The following COPG2 variants were observed in gnomAD, a reference collection of about 807,000 sequenced individuals.
COPG2 encodes the protein coatomer subunit gamma-2.
In COPG2, 37 loss-of-function variants were observed where a neutral mutation model predicts 46.3. The ratio of observed to expected loss-of-function variants is 0.80; its 90% CI spans 0.61 to 1.05. The LOEUF is 1.05. COPG2 is among the 50% of genes least tolerant of loss of function. The pLI is 0.00. For synonymous variants in COPG2, 159 were observed against 129.7 expected, an observed-to-expected ratio of 1.23 and a Z score of -1.53; for missense variants, 427 against 387.8, an observed-to-expected ratio of 1.10 and a Z score of -0.85.
chr7:130,577,845 C>T (rs1794040099), intron 9 of COPG2, among the ~76,000 whole-genome samples: 1 of 151,964 alleles, frequency 6.6e-6, no homozygotes, highest in African/African-American at 2.4e-5. Flanking sequence ...TCGGAGGGTC[C>T]TACGCCCACG....
intron 4 of COPG2, among the ~76,000 whole-genome samples, chr7:130,659,354 C>CAAAAA (rs59413856): frequency 6.1e-5 from 4 of 65,466 alleles, no homozygotes; most frequent in African/African-American, 1.2e-4. Flanking sequence ...GACTCCGTCT[C>CAAAAA]AAAAAAAAAA....
intron 20 of COPG2, among the ~76,000 whole-genome samples, chr7:130,534,550 G>A (rs1377566965): frequency 6.6e-6 from 1 of 152,172 alleles, no homozygotes; most frequent in Non-Finnish European, 1.5e-5. Context: ...CATAGGATTA[G>A]TGGGAAAAGT....
At position 130,588,173 on chromosome 7, in the gene COPG2, T is replaced by C. The variant is rs1209401618; in HGVS notation, c.737+22780A>G. On this transcript the variant is annotated intron_variant, in intron 9 of 23. Transcript: ENST00000425248. ...AGGTGCTGGAGAGGATGTGGAGAAA[T>C]AGGAACACTTTTACACTGTTGGTGG... Among the ~76,000 whole-genome samples, 6 of 151,428 alleles carry C rather than the reference T, an allele frequency of 4.0e-5. No individual in the cohort carries two copies. The East Asian group carries it at 5.8e-4, about 15-fold the overall frequency.
At position 130,583,885 on chromosome 7, in the gene COPG2, AAAG is replaced by A. The variant is rs1441238441; in HGVS notation, c.738-19495_738-19493del. 1.1e-4 allele frequency among the ~76,000 whole-genome samples: 17 copies of A among 151,170 alleles called. 1 individual carries two copies. The highest frequency in any genetic ancestry group is 1.3e-4 in the Non-Finnish European group (9 of 67,808). Reference sequence around the variant, plus strand: ...ATTCACAGAATTCTACCAGACATTCAAAGAAGAATTGGTACCAATCCTTTTGAA... The same window carrying A: ...ATTCACAGAATTCTACCAGACATTCAAAGAATTGGTACCAATCCTTTTGAA... On this transcript the variant is annotated intron_variant, in intron 9 of 23. Coordinates refer to ENST00000425248, the MANE Select transcript of COPG2 (RefSeq NM_012133.6).
intron 9 of COPG2, among the ~76,000 whole-genome samples, chr7:130,565,276 T>C (rs1296490669): frequency 1.3e-5 from 2 of 152,128 alleles, no homozygotes; most frequent in Admixed American, 6.5e-5. Context: ...CGTTGGAAAA[T>C]GATGGGAGAC....
intron 4 of COPG2, among the ~76,000 whole-genome samples, chr7:130,657,945 C>T (rs1028545967): frequency 5.3e-5 from 8 of 151,994 alleles, no homozygotes; most frequent in Non-Finnish European, 1.0e-4. Context: ...ACAGTGATGG[C>T]GGGAATGATT....
At chr7:130,523,130 A>AAAAAAAAAAT (rs1799739327) in intron 20 of COPG2, among the ~76,000 whole-genome samples, 1 of 148,790 alleles carries the variant, frequency 6.7e-6, no homozygotes, top group Non-Finnish European at 1.5e-5. Flanking sequence ...AAAAAAAAAA[A>AAAAAAAAAAT]AAAAGAAGGC....
chr7:130,657,283 T>C (rs1795876573), intron 4 of COPG2, among the ~76,000 whole-genome samples: 2 of 151,902 alleles, frequency 1.3e-5, no homozygotes. Context: ...CAGAACCATG[T>C]GTTGAGAAAA....
rs190137517 is a variant in COPG2, at chr7:130,620,363, G to T, written c.324-3298C>A. 4.7e-3 allele frequency among the ~76,000 whole-genome samples: 719 copies of T among 152,156 alleles called. 4 individuals are homozygous for T. The highest frequency in any genetic ancestry group is 6.6e-3 in the Non-Finnish European group (448 of 68,014). On this transcript the variant is annotated intron_variant, in intron 5 of 23. Transcript: ENST00000425248. ...ATATTTCAGGCTTTGCAGGCTATAT[G>T]ACTACCCCATAACCACTTGATTTGG...
chr7:130,513,470 A>G (rs1234555524), intron 20 of COPG2, among the ~76,000 whole-genome samples: 3 of 150,034 alleles, frequency 2.0e-5, no homozygotes, highest in Admixed American at 6.7e-5. Context: ...GAACACCAGA[A>G]GATGGCAGAG....
At position 130,652,858 on chromosome 7, in the gene COPG2, C is replaced by T; in HGVS notation, c.323+11G>A. 1 of 1,561,326 alleles carries T rather than the reference C, an allele frequency of 6.4e-7. No homozygotes were observed. The highest frequency in any genetic ancestry group is 8.8e-7 in the Non-Finnish European group (1 of 1,138,768). ...TAAGTATCTCATCCTAGATTTTGACCATTTACATACCTGCTTGTGACAATT... is the reference window on the plus strand; with the variant it reads ...TAAGTATCTCATCCTAGATTTTGACTATTTACATACCTGCTTGTGACAATT... On this transcript the variant is annotated intron_variant, in intron 5 of 23. Transcript: ENST00000425248.
chr7:130,625,244 T>C (rs1159990747), intron 5 of COPG2, among the ~76,000 whole-genome samples: 2 of 152,238 alleles, frequency 1.3e-5, no homozygotes, highest in African/African-American at 2.4e-5. Flanking sequence ...TTGATTATTA[T>C]ATATGAATTT....
Position 130,663,039 on chromosome 7 carries a change from C to G in COPG2, c.172-1G>C. The G allele has an allele frequency of 6.6e-7, 1 of 1,511,354 alleles. No homozygotes were observed. Among genetic ancestry groups the G allele is most frequent in the Non-Finnish European group, 8.8e-7 (1 of 1,130,746 alleles). The allele number at this position is 1,511,354 out of a possible 1,614,324, so 93.6% of individuals were successfully genotyped here. A position where few individuals can be genotyped will look rare whatever the true frequency, so the allele number is the denominator to read the frequency against. ...CTTCCGTTGTTCCAAAGTGTTCACC[C>G]TAAGTAAAATTTAAAACAATTTTTA... On this transcript the variant is annotated splice_acceptor_variant, in intron 3 of 23. Coordinates refer to ENST00000425248, the MANE Select transcript of COPG2 (RefSeq NM_012133.6). LOFTEE classifies it high-confidence loss of function.
At chr7:130,565,154 G>A (rs1238650631) in intron 9 of COPG2, among the ~76,000 whole-genome samples, 3 of 152,206 alleles carry the variant, frequency 2.0e-5, no homozygotes, top group Non-Finnish European at 4.4e-5. Context: ...ACAGAGCTCC[G>A]CTCTCTAACC....
intron 9 of COPG2, among the ~76,000 whole-genome samples, chr7:130,591,766 G>A (rs1298405394): frequency 7.5e-5 from 11 of 147,530 alleles, no homozygotes; most frequent in Admixed American, 2.0e-4. Flanking sequence ...CACCCCGTCC[G>A]GGAGGGAAGT....
chr7:130,551,254 T>C lies in COPG2; in HGVS notation c.1635A>G (p.Thr545=), dbSNP rs1351116602. The change falls in exon 16 of 24, where the codon ACA becomes ACG. Residue 545 remains threonine (T), a synonymous_variant. Coordinates refer to ENST00000425248, the MANE Select transcript of COPG2 (RefSeq NM_012133.6). ...GCTTTCACTGACCATTAAAGATATA[T>C]GTGGCATTTAGTGCCATCTGCCTCT... The part of the protein sequence containing the change: ...LQQRQMALNA[T]YIFNGLTVSV... 1.3e-5 allele frequency: 5 copies of C among 398,460 alleles called. No individual in the cohort carries two copies. The highest frequency in any genetic ancestry group is 8.2e-5 in the African/African-American group (4 of 48,642). The allele number at this position is 398,460 out of a possible 1,614,324, so 24.7% of individuals were successfully genotyped here.
chr7:130,644,335 G>C (rs1171480280), intron 5 of COPG2, among the ~76,000 whole-genome samples: 1 of 152,112 alleles, frequency 6.6e-6, no homozygotes, highest in Non-Finnish European at 1.5e-5. Context: ...GATGGTTCTA[G>C]GTTAGGAGTT....
At chr7:130,663,848 C>T (rs1389736586) in intron 3 of COPG2, among the ~76,000 whole-genome samples, 6 of 148,494 alleles carry the variant, frequency 4.0e-5, no homozygotes, top group African/African-American at 1.5e-4. Context: ...AAGTGATTCT[C>T]CTGCCTCAGC....
intron 9 of COPG2, chr7:130,605,566 A>G (rs1794712098): frequency 2.6e-6 from 1 of 383,486 alleles, no homozygotes; most frequent in African/African-American, 2.1e-5. Flanking sequence ...CATGCAAGGG[A>G]CTCAAAGAGA....
Sources: gnomAD v4.1 joint callset for allele counts (sites outside exome capture counted in the v4.1 genomes callset) on GRCh38, gnomAD v4.1.1 for gene constraint, MANE v1.5 for transcripts, NCBI Gene and HGNC (gene_info 2026-07-23, HGNC 2026-07-21) for gene names.